FGF3: variants seen among roughly 807,000 people sequenced by gnomAD.
FGF3 encodes the protein FGF-3.
Under a neutral mutation model 9.8 loss-of-function variants are expected in FGF3, and 7 were observed. That is an observed-to-expected ratio of 0.72 (90% CI 0.41 to 1.35). The LOEUF (loss-of-function observed/expected upper bound fraction) is 1.35. Among genes scored for constraint, FGF3 ranks in the 40% most tolerant of loss-of-function variants. The pLI is 0.01. For missense variants in FGF3, 390 were observed against 345.6 expected (o/e 1.13, Z -1.02); for synonymous variants, 173 against 157.2 (o/e 1.10, Z -0.75).
chr11:69,818,611 C>T, intron 1 of FGF3, 103 bp downstream of exon 1: 2 of 840,788 alleles, frequency 2.4e-6, no homozygotes, highest in South Asian at 2.6e-5. Flanking sequence ...CCAGACCCCT[C>T]CCCGGCGCCG....
chr11:69,810,709 A>ACCAC lies in FGF3; in HGVS notation c.325-10_325-9insGTGG. 1 of 1,566,186 alleles carries ACCAC rather than the reference A, an allele frequency of 6.4e-7. No individual in the cohort carries two copies. Among genetic ancestry groups the ACCAC allele is most frequent in the East Asian group, 2.3e-5 (1 of 43,930 alleles). On this transcript the variant is annotated splice_polypyrimidine_tract_variant and intron_variant, in intron 2 of 2. Transcript: ENST00000334134. ...TCGGCGCTGTAGTGCTCCTGCGGGG[A>ACCAC]TGAGATATCATGGTCAGTGCCCCGG...
At chr11:69,816,017 C>T (rs1159436106) in intron 2 of FGF3, among the ~76,000 whole-genome samples, 1 of 152,176 alleles carries the variant, frequency 6.6e-6, no homozygotes, top group East Asian at 1.9e-4. Context: ...CACTTCCCTG[C>T]TCTCAGCTAC....
Position 69,810,553 on chromosome 11 carries a change from TCA to T in FGF3, c.470_471del (p.Val157GlufsTer47). On this transcript the variant is annotated frameshift_variant, in exon 3 of 3. Coordinates refer to ENST00000334134, the MANE Select transcript of FGF3 (RefSeq NM_005247.4). LOFTEE classifies it low-confidence loss of function (END_TRUNC). ...PSAERLWYVS[V>X]NGKGRPRRGF... ...CCCCTGCGGGGCCGGCCCTTGCCGTTCACAGACACGTACCACAGTCTCTCGGC... is the reference window on the plus strand; with the variant it reads ...CCCCTGCGGGGCCGGCCCTTGCCGTTCAGACACGTACCACAGTCTCTCGGC... The T allele has an allele frequency of 6.2e-7, 1 of 1,612,826 alleles. No homozygotes were observed. The highest frequency in any genetic ancestry group is 8.5e-7 in the Non-Finnish European group (1 of 1,179,768).
chr11:69,813,977 T>C (rs1474721479), intron 2 of FGF3, among the ~76,000 whole-genome samples: 1 of 150,160 alleles, frequency 6.7e-6, no homozygotes, highest in East Asian at 2.0e-4. Context: ...GGTGAAAGGA[T>C]GGAAGGAAGG....
At chr11:69,811,180 GC>G (rs1424394062) in intron 2 of FGF3, among the ~76,000 whole-genome samples, 1 of 152,210 alleles carries the variant, frequency 6.6e-6, no homozygotes, top group African/African-American at 2.4e-5. Context: ...GGGCACGGTG[GC>G]TCATGCCTGT....
At position 69,818,807 on chromosome 11, in the gene FGF3, G is replaced by A. The variant is rs1554981402; in HGVS notation, c.127C>T (p.Pro43Ser). The change falls in exon 1 of 3, where the codon CCC becomes TCC. Residue 43 changes from proline to serine, a missense_variant. Transcript: ENST00000334134. ...GCGCAGTAGAGCTTGCGGCGCCGGG[G>A]CGCCCCGCCAAGGTGCTCGTAGACG... ...GGVYEHLGGA[P>S]RRRKLYCATK... The A allele has an allele frequency of 6.7e-7, 1 of 1,491,426 alleles. No homozygotes were observed. The highest frequency in any genetic ancestry group is 8.9e-7 in the Non-Finnish European group (1 of 1,127,600). The allele number at this position is 1,491,426 out of a possible 1,614,324, so 92.4% of individuals were successfully genotyped here.
At chr11:69,813,760 G>C (rs797034213) in intron 2 of FGF3, among the ~76,000 whole-genome samples, 4 of 78,320 alleles carry the variant, frequency 5.1e-5, no homozygotes, top group African/African-American at 1.6e-4. Flanking sequence ...GGATGGATGG[G>C]TGGATGGGTG....
intron 1 of FGF3, among the ~76,000 whole-genome samples, chr11:69,817,204 T>C (rs1347279249): frequency 1.3e-5 from 2 of 151,862 alleles, no homozygotes; most frequent in African/African-American, 2.4e-5. Context: ...TGTCTCCCAA[T>C]AGAGGCTGCG....
intron 1 of FGF3, 120 bp from the exon 2 acceptor site, chr11:69,816,543 C>T: frequency 1.4e-6 from 1 of 734,964 alleles, no homozygotes; most frequent in Non-Finnish European, 2.4e-6. Context: ...GCACACACCC[C>T]ACAGGTCGGG....
In FGF3 at chr11:69,810,324, A is replaced by G. The variant is rs781875396; in HGVS notation, c.701T>C (p.Leu234Pro). 5.1e-6 allele frequency: 8 copies of G among 1,567,782 alleles called. No individual in the cohort carries two copies. Among genetic ancestry groups the G allele is most frequent in the Non-Finnish European group, 5.2e-6 (6 of 1,151,550 alleles). ...HVQASRLGSQ[L>P]EASAH ...GCCCAGCTAGTGCGCACTGGCCTCC[A>G]GCTGGGAGCCCAGTCTCGAAGCCTG... is the stretch of plus-strand genomic sequence containing the variant. Residue 234 changes from leucine to proline, a missense_variant, in exon 3 of 3, where the codon CTG (leucine) becomes CCG (proline). Leu to Pro is a moderately conservative substitution (Grantham distance 98). Transcript: ENST00000334134.
chr11:69,818,720 C>A lies in FGF3; in HGVS notation c.214G>T (p.Ala72Ser). The change falls in exon 1 of 3, where the codon GCC becomes TCC. Residue 72 changes from alanine to serine, a missense_variant. Ala to Ser is a moderately conservative substitution (Grantham distance 99). Transcript: ENST00000334134. ...GRVNGSLENS[A>S]YSILEITAVE... Reference sequence around the variant, plus strand: ...CGCAGCGTCCGGCACTCACTGTAGGCGCTGTTCTCCAGGCTGCCGTTGACG... The same window carrying A: ...CGCAGCGTCCGGCACTCACTGTAGGAGCTGTTCTCCAGGCTGCCGTTGACG... 6.7e-7 allele frequency: 1 copy of A among 1,488,236 alleles called. No homozygotes were observed. Among genetic ancestry groups the A allele is most frequent in the Non-Finnish European group, 8.9e-7 (1 of 1,125,746 alleles). The allele number at this position is 1,488,236 out of a possible 1,614,324, so 92.2% of individuals were successfully genotyped here. A position where few individuals can be genotyped will look rare whatever the true frequency, so the allele number is the denominator to read the frequency against.
chr11:69,814,333 G>A (rs1856093386), intron 2 of FGF3, among the ~76,000 whole-genome samples: 1 of 152,014 alleles, frequency 6.6e-6, no homozygotes, highest in Non-Finnish European at 1.5e-5. Flanking sequence ...TGAATAGCAG[G>A]AGGGGTCTAC....
At chr11:69,815,137 A>AGGTGGATG (rs1179038519) in intron 2 of FGF3, among the ~76,000 whole-genome samples, 7,142 of 87,838 alleles carry the variant, frequency 0.081, 254 homozygotes, top group African/African-American at 0.15. Flanking sequence ...ATGGATGGAT[A>AGGTGGATG]GGTGGATGGG....
At position 69,815,921 on chromosome 11, in the gene FGF3, T is replaced by G. The variant is rs570556722; in HGVS notation, c.324+399A>C. On this transcript the variant is annotated intron_variant, in intron 2 of 2. Transcript: ENST00000334134. The stretch of plus-strand genomic sequence containing the variant: ...AGCTGGGCCAGCGTCCTCCTCTCCA[T>G]GCTCCCAGGAGAGCTCTGGCTGCCC... 2.6e-5 allele frequency among the ~76,000 whole-genome samples: 4 copies of G among 152,266 alleles called. No individual in the cohort carries two copies. The East Asian group carries it at 7.7e-4, about 29-fold the overall frequency.
rs1856198129 is a variant in FGF3 at position 69,819,157 on chromosome 11, C to G, written c.-224G>C. 1 of 398,694 alleles carries G rather than the reference C, an allele frequency of 2.5e-6. No individual in the cohort carries two copies. Among genetic ancestry groups the G allele is most frequent in the Non-Finnish European group, 4.4e-6 (1 of 225,594 alleles). 24.7% of individuals were successfully genotyped at this position (398,694 alleles called of 1,614,324 possible). ...GGAGAGGGAGAGAGGGAACGCGAGT[C>G]CCTTTAATTTCCACCCAGGAGCAAT... is the stretch of plus-strand genomic sequence containing the variant. On this transcript the variant is annotated 5_prime_UTR_variant, in exon 1 of 3. Transcript: ENST00000334134.
At chr11:69,815,611 G>T (rs1378617608) in intron 2 of FGF3, among the ~76,000 whole-genome samples, 4 of 152,164 alleles carry the variant, frequency 2.6e-5, no homozygotes, top group African/African-American at 9.7e-5. Flanking sequence ...ATTGCCCAAG[G>T]AAGTATCAGC....
rs2119941406 is a variant in FGF3, at chr11:69,818,987, C to A, written c.-54G>T. Reference sequence around the variant, plus strand: ...GGCGGCTGCAGGCGAGCGCGGCGCCCATGGAAGGGGCGGCAGCCGGACAGC... The same window carrying A: ...GGCGGCTGCAGGCGAGCGCGGCGCCAATGGAAGGGGCGGCAGCCGGACAGC... On this transcript the variant is annotated 5_prime_UTR_variant, in exon 1 of 3. The change abolishes an upstream ATG in the 5' untranslated region. Coordinates refer to ENST00000334134, the MANE Select transcript of FGF3 (RefSeq NM_005247.4). The A allele has an allele frequency of 8.0e-7, 1 of 1,250,714 alleles. No homozygotes were observed. Among genetic ancestry groups the A allele is most frequent in the South Asian group, 1.5e-5 (1 of 65,430 alleles). The allele number at this position is 1,250,714 out of a possible 1,614,324, so 77.5% of individuals were successfully genotyped here. A position where few individuals can be genotyped will look rare whatever the true frequency, so the allele number is the denominator to read the frequency against.
Position 69,818,895 on chromosome 11 carries a change from C to G in FGF3, c.39G>C (p.Glu13Asp). The G allele has an allele frequency of 6.8e-7, 1 of 1,466,708 alleles. No homozygotes were observed. The highest frequency in any genetic ancestry group is 1.3e-5 in the South Asian group (1 of 77,026). The allele number at this position is 1,466,708 out of a possible 1,614,324, so 90.9% of individuals were successfully genotyped here. ...LIWLLLLSLL[E>D]PGWPAAGPGA... Reference sequence around the variant, plus strand: ...CAGGGCCCGCTGCGGGCCAGCCGGGCTCCAGCAGGCTGAGCAGTAGCAGCC... The same window carrying G: ...CAGGGCCCGCTGCGGGCCAGCCGGGGTCCAGCAGGCTGAGCAGTAGCAGCC... The change falls in exon 1 of 3, where the codon GAG (glutamate) becomes GAC (aspartate). Residue 13 changes from glutamate (E) to aspartate (D), a missense_variant. Physicochemically the swap from Glu to Asp is conservative, Grantham distance 45. Transcript: ENST00000334134.
At chr11:69,817,995 C>G (rs900923737) in intron 1 of FGF3, among the ~76,000 whole-genome samples, 1 of 152,208 alleles carries the variant, frequency 6.6e-6, no homozygotes, top group Non-Finnish European at 1.5e-5. Flanking sequence ...GACACCGTTC[C>G]GCGCTCGTGA....
Sources: allele counts gnomAD v4.1 joint callset (sites outside exome capture counted in the v4.1 genomes callset), GRCh38; gene constraint gnomAD v4.1.1; transcripts MANE v1.5; gene names NCBI Gene and HGNC (gene_info 2026-07-23, HGNC 2026-07-21).